The following DDX4 variants were observed in gnomAD, a reference collection of about 807,000 sequenced individuals.
The protein encoded by DDX4 is probable ATP-dependent RNA helicase DDX4.
In DDX4, 25 loss-of-function variants were observed where a neutral mutation model predicts 100.0. The ratio of observed to expected loss-of-function variants is 0.25; its 90% CI spans 0.18 to 0.35. The LOEUF (loss-of-function observed/expected upper bound fraction) is 0.35. Ranked by LOEUF, DDX4 falls within the 10% of genes least tolerant of loss-of-function variation. DDX4 has a pLI of 1.00. For synonymous variants in DDX4, 259 were observed against 275.7 expected, an observed-to-expected ratio of 0.94 and a Z score of 0.60; for missense variants, 635 against 882.4, an observed-to-expected ratio of 0.72 and a Z score of 3.55.
At chr5:55,759,315 T>A (rs1354206545) in intron 3 of DDX4, among the ~76,000 whole-genome samples, 2 of 152,164 alleles carry the variant, frequency 1.3e-5, no homozygotes, top group Admixed American at 1.3e-4. Context: ...TTTTATCATA[T>A]AATTTGAAGT....
intron 18 of DDX4, among the ~76,000 whole-genome samples, chr5:55,801,284 G>A (rs372667119): frequency 1.8e-4 from 27 of 149,968 alleles, no homozygotes; most frequent in Non-Finnish European, 3.5e-4. Flanking sequence ...GTAGTGTTAC[G>A]GTATTTTATG....
intron 18 of DDX4, among the ~76,000 whole-genome samples, chr5:55,800,752 A>G (rs1743247228): frequency 6.6e-6 from 1 of 152,116 alleles, no homozygotes; most frequent in Non-Finnish European, 1.5e-5. Flanking sequence ...AGCACTATTG[A>G]TATACTTCTG....
At chr5:55,781,759 A>G (rs1275747361) in intron 9 of DDX4, among the ~76,000 whole-genome samples, 175 bp from the exon 10 acceptor site, 1 of 151,186 alleles carries the variant, frequency 6.6e-6, no homozygotes, top group Non-Finnish European at 1.5e-5. Flanking sequence ...CCTTGGTGAT[A>G]GAGTGAGACT....
intron 17 of DDX4, among the ~76,000 whole-genome samples, chr5:55,798,137 G>A (rs755905665): frequency 2.6e-5 from 4 of 151,936 alleles, no homozygotes; most frequent in Non-Finnish European, 5.9e-5. Flanking sequence ...TTTTTTAAGT[G>A]TTATACACAT....
intron 2 of DDX4, among the ~76,000 whole-genome samples, chr5:55,745,902 T>C (rs1444917486): frequency 6.6e-6 from 1 of 152,220 alleles, no homozygotes; most frequent in African/African-American, 2.4e-5. Context: ...CAGAATCAGG[T>C]GGCCCACCAG....
chr5:55,750,059 T>C (rs1280440777), intron 3 of DDX4: 1 of 152,688 alleles, frequency 6.5e-6, no homozygotes, highest in Non-Finnish European at 1.5e-5. Flanking sequence ...AAACTACACA[T>C]GCAATGACAG....
chr5:55,807,738 C>A (rs1470805441), intron 18 of DDX4, among the ~76,000 whole-genome samples: 3 of 152,196 alleles, frequency 2.0e-5, no homozygotes, highest in African/African-American at 7.2e-5. Flanking sequence ...CGACCTTTCT[C>A]TCTGGCTGCC....
At chr5:55,782,370 C>T in intron 10 of DDX4, 1 of 178,530 alleles carries the variant, frequency 5.6e-6, no homozygotes. Context: ...TTTCGGAGGC[C>T]TAGGCAGGCA....
intron 16 of DDX4, among the ~76,000 whole-genome samples, chr5:55,791,158 C>G (rs1373427463): frequency 6.6e-6 from 1 of 152,050 alleles, no homozygotes; most frequent in Non-Finnish European, 1.5e-5. Context: ...TGATATTAAC[C>G]AGGATTGTTA....
chr5:55,786,204 C>G (rs1371128566), intron 13 of DDX4, among the ~76,000 whole-genome samples: 1 of 152,156 alleles, frequency 6.6e-6, no homozygotes, highest in Non-Finnish European at 1.5e-5. Context: ...GGGGAGCCCT[C>G]TGTCTCCTAT....
chr5:55,787,784 GC>G (rs1379931214), intron 14 of DDX4, 61 bp from the exon 15 acceptor site: 1 of 1,550,102 alleles, frequency 6.5e-7, no homozygotes, highest in Admixed American at 2.0e-5. Context: ...ATGAGGATTA[GC>G]TTTCCATAGG....
chr5:55,740,275 T>C lies in DDX4; in HGVS notation c.69+1243T>C, dbSNP rs1294873228. Among the ~76,000 whole-genome samples the C allele has an allele frequency of 2.0e-5, 3 of 152,018 alleles. No homozygotes were observed. The East Asian group carries it at 5.8e-4, about 29-fold the overall frequency. ...GCCTCTGCCTTCTGGGTTCAAGCAA[T>C]TCTCCTGCCTCAACCTCCCTCAGCG... On this transcript the variant is annotated intron_variant, in intron 2 of 21. Coordinates refer to ENST00000505374, the MANE Select transcript of DDX4 (RefSeq NM_024415.3).
chr5:55,782,308 TAAAA>T (rs1233308759), intron 10 of DDX4: 1 of 228,236 alleles, frequency 4.4e-6, no homozygotes, highest in African/African-American at 2.3e-5. Context: ...AATTCATAAA[TAAAA>T]AACTGTTTAA....
intron 2 of DDX4, chr5:55,742,084 C>T (rs1759008070): frequency 2.3e-6 from 1 of 441,278 alleles, no homozygotes; most frequent in Admixed American, 2.4e-5. Context: ...TAGAACTTCT[C>T]AATTCTAAAT....
chr5:55,765,413 A>AAAAAATATAT lies in DDX4; in HGVS notation c.334+1350_334+1351insAAAATATATA, dbSNP rs1392558099. 1.1e-4 allele frequency among the ~76,000 whole-genome samples: 9 copies of AAAAAATATAT among 83,006 alleles called. No individual in the cohort carries two copies. In the South Asian group the frequency reaches 1.6e-3, roughly 14 times the overall value. 54.5% of individuals were successfully genotyped at this position (83,006 alleles called of 152,430 possible). On this transcript the variant is annotated intron_variant, in intron 6 of 21. Transcript: ENST00000505374. Reference sequence around the variant, plus strand: ...GTTCCCCTAAAAAAAAAAAAAAAAAAATATATATATATATATATATATATG... The same window carrying AAAAAATATAT: ...GTTCCCCTAAAAAAAAAAAAAAAAAAAAAAATATATATATATATATATATATATATATATG...
intron 17 of DDX4, among the ~76,000 whole-genome samples, chr5:55,796,146 G>A (rs886886256): frequency 1.3e-5 from 2 of 152,170 alleles, no homozygotes; most frequent in East Asian, 1.9e-4. Flanking sequence ...TTCTGCCTGC[G>A]TTCTTGTAGC....
chr5:55,744,034 A>G (rs1198310377), intron 2 of DDX4, among the ~76,000 whole-genome samples: 2 of 151,078 alleles, frequency 1.3e-5, no homozygotes, highest in Non-Finnish European at 2.9e-5. Flanking sequence ...TGTCTGTGGT[A>G]GTAATAAACT....
At chr5:55,761,764 C>G (rs371593388) in intron 4 of DDX4, among the ~76,000 whole-genome samples, 1 of 152,068 alleles carries the variant, frequency 6.6e-6, no homozygotes, top group South Asian at 2.1e-4. Context: ...TGCGCCACCA[C>G]GCCCAGCTAA....
chr5:55,790,819 G>A, intron 16 of DDX4, 114 bp downstream of exon 16: 1 of 869,250 alleles, frequency 1.2e-6, no homozygotes, highest in East Asian at 2.5e-5. Context: ...TTATGTGTTA[G>A]CCTCCATCAC....
Sources: allele counts gnomAD v4.1 joint callset (sites outside exome capture counted in the v4.1 genomes callset), GRCh38; gene constraint gnomAD v4.1.1; transcripts MANE v1.5; gene names NCBI Gene and HGNC (gene_info 2026-07-23, HGNC 2026-07-21).